Variants in MAGI2 observed in about 807,000 individuals in gnomAD.
The protein encoded by MAGI2 is membrane associated guanylate kinase, WW and PDZ domain containing 2, also known as membrane-associated guanylate kinase, WW and PDZ domain-containing protein 2.
Under a neutral mutation model 133.3 loss-of-function variants are expected in MAGI2, and 35 were observed. That is an observed-to-expected ratio of 0.26 (90% confidence interval 0.20 to 0.35). MAGI2 has a LOEUF of 0.35. MAGI2 is among the 10% of genes least tolerant of loss of function. The probability of loss-of-function intolerance (pLI) is 1.00; values close to 1 mark genes in which losing one functional copy is unlikely to be tolerated. For missense variants in MAGI2, 1,636 were observed against 1,863.4 expected, an observed-to-expected ratio of 0.88 and a Z score of 2.25; for synonymous variants, 729 against 710.6, an observed-to-expected ratio of 1.03 and a Z score of -0.41.
chr7:79,026,809 G>C (rs1809934941), intron 1 of MAGI2, among the ~76,000 whole-genome samples: 1 of 151,902 alleles, frequency 6.6e-6, no homozygotes, highest in Non-Finnish European at 1.5e-5. Context: ...GAGAGGCGGA[G>C]GTTGCAGTAA....
At chr7:78,644,073 C>T (rs1275863179) in intron 2 of MAGI2, among the ~76,000 whole-genome samples, 1 of 151,858 alleles carries the variant, frequency 6.6e-6, no homozygotes, top group African/African-American at 2.4e-5. Context: ...AGAACATTAA[C>T]AGTGATAAAG....
chr7:78,489,616 TTCTC>T lies in MAGI2; in HGVS notation c.1045+141_1045+144del. 3 of 689,826 alleles carry T rather than the reference TTCTC, an allele frequency of 4.3e-6. No individual in the cohort carries two copies. In the East Asian group the frequency reaches 7.5e-5, roughly 17 times the overall value. 42.7% of individuals were successfully genotyped at this position (689,826 alleles called of 1,614,324 possible). On this transcript the variant is annotated intron_variant, in intron 6 of 21. Coordinates refer to ENST00000354212, the MANE Select transcript of MAGI2 (RefSeq NM_012301.4). Reference sequence around the variant, plus strand: ...TGGCCCTGCTGAAATGCCGAGTTAATTCTCTCTCTTATCTGAGCATTAAACATTA... The same window carrying T: ...TGGCCCTGCTGAAATGCCGAGTTAATTCTCTTATCTGAGCATTAAACATTA...
intron 10 of MAGI2, among the ~76,000 whole-genome samples, chr7:78,204,948 C>T (rs1829594962): frequency 6.6e-6 from 1 of 152,050 alleles, no homozygotes; most frequent in Admixed American, 6.6e-5. Flanking sequence ...TCTTTGGAAC[C>T]AGAAATAAAA....
intron 1 of MAGI2, among the ~76,000 whole-genome samples, chr7:79,060,890 T>A (rs1048863112): frequency 1.3e-5 from 2 of 152,054 alleles, no homozygotes; most frequent in African/African-American, 4.8e-5. Flanking sequence ...ACAATTATAC[T>A]AAAAGAAAGA....
At chr7:79,367,087 C>G (rs950685980) in intron 1 of MAGI2, among the ~76,000 whole-genome samples, 1 of 152,168 alleles carries the variant, frequency 6.6e-6, no homozygotes, top group Non-Finnish European at 1.5e-5. Context: ...ATTAACTGAT[C>G]CTGGCAAGTC....
intron 6 of MAGI2, among the ~76,000 whole-genome samples, chr7:78,463,925 C>T (rs1790344386): frequency 6.6e-6 from 1 of 151,940 alleles, no homozygotes; most frequent in African/African-American, 2.4e-5. Flanking sequence ...GGTAGGAGGG[C>T]AGGCAGGCAG....
intron 16 of MAGI2, among the ~76,000 whole-genome samples, chr7:78,147,758 G>T (rs1823455207): frequency 6.6e-6 from 1 of 152,020 alleles, no homozygotes; most frequent in African/African-American, 2.4e-5. Flanking sequence ...TGATTTGAGA[G>T]GCTGAGGCAG....
At chr7:78,418,416 T>C (rs1468641461) in intron 6 of MAGI2, among the ~76,000 whole-genome samples, 1 of 152,080 alleles carries the variant, frequency 6.6e-6, no homozygotes, top group East Asian at 1.9e-4. Flanking sequence ...GCATTGATGC[T>C]CTCAGCTGAA....
intron 9 of MAGI2, among the ~76,000 whole-genome samples, chr7:78,320,977 TAACA>T (rs1215746982): frequency 2.0e-5 from 3 of 151,180 alleles, no homozygotes; most frequent in Admixed American, 1.3e-4. Flanking sequence ...TATACACCAA[TAACA>T]AACAGACAGC....
chr7:79,019,874 G>C (rs565900085), intron 1 of MAGI2, among the ~76,000 whole-genome samples: 41 of 152,264 alleles, frequency 2.7e-4, no homozygotes, highest in African/African-American at 9.6e-4. Flanking sequence ...ATAGCAGCAT[G>C]AGAAGAGACT....
At chr7:79,078,395 A>C (rs1201132836) in intron 1 of MAGI2, among the ~76,000 whole-genome samples, 3 of 152,212 alleles carry the variant, frequency 2.0e-5, no homozygotes, top group African/African-American at 7.2e-5. Context: ...CTTTCATAAC[A>C]GCTACTCCTC....
chr7:78,883,393 G>T (rs376889871), intron 2 of MAGI2, among the ~76,000 whole-genome samples: 2 of 151,778 alleles, frequency 1.3e-5, no homozygotes, highest in African/African-American at 4.9e-5. Flanking sequence ...ACAAATAAAT[G>T]GAAAAACACA....
chr7:78,659,825 T>C (rs1812738211), intron 2 of MAGI2, among the ~76,000 whole-genome samples: 2 of 152,160 alleles, frequency 1.3e-5, no homozygotes, highest in South Asian at 4.1e-4. Flanking sequence ...CTGTATGATG[T>C]CATACAACTA....
intron 2 of MAGI2, among the ~76,000 whole-genome samples, chr7:78,758,495 AATGTGTTTGC>A (rs1262637610): frequency 6.6e-6 from 1 of 152,204 alleles, no homozygotes. Flanking sequence ...TCCACACTTC[AATGTGTTTGC>A]ATGTGTTTAG....
chr7:78,913,015 G>A (rs1798533930), intron 2 of MAGI2, among the ~76,000 whole-genome samples: 1 of 151,912 alleles, frequency 6.6e-6, no homozygotes, highest in African/African-American at 2.4e-5. Context: ...ATCTGAAGCA[G>A]AGGGAACAGC....
chr7:78,398,357 T>C (rs989569456), intron 6 of MAGI2, among the ~76,000 whole-genome samples: 1 of 152,144 alleles, frequency 6.6e-6, no homozygotes, highest in East Asian at 1.9e-4. Flanking sequence ...GACTCTTAAC[T>C]GTGCCTCATA....
intron 10 of MAGI2, among the ~76,000 whole-genome samples, chr7:78,210,466 T>TA (rs1031205205): frequency 6.6e-6 from 1 of 152,104 alleles, no homozygotes; most frequent in Non-Finnish European, 1.5e-5. Context: ...TTGGCTGAGA[T>TA]AAAAAAAGAG....
intron 1 of MAGI2, among the ~76,000 whole-genome samples, chr7:79,446,430 A>G (rs1209149636): frequency 6.6e-6 from 1 of 152,226 alleles, no homozygotes; most frequent in Admixed American, 6.5e-5. Flanking sequence ...TATCCAAAGT[A>G]TAGCAAGTAT....
intron 7 of MAGI2, among the ~76,000 whole-genome samples, chr7:78,361,413 A>C (rs974202804): frequency 2.0e-5 from 3 of 151,530 alleles, no homozygotes; most frequent in African/African-American, 7.3e-5. Context: ...AAAAGCTTGA[A>C]GACAAATACA....
Sources: gnomAD v4.1 joint callset for allele counts (sites outside exome capture counted in the v4.1 genomes callset) on GRCh38, gnomAD v4.1.1 for gene constraint, MANE v1.5 for transcripts, NCBI Gene and HGNC (gene_info 2026-07-23, HGNC 2026-07-21) for gene names.